Variants in BMPR1B observed in about 807,000 individuals in gnomAD.
BMPR1B encodes the protein bone morphogenetic protein receptor type 1B.
In BMPR1B, 12 loss-of-function variants were observed where a neutral mutation model predicts 59.1. The ratio of observed to expected loss-of-function variants is 0.20; its 90% CI spans 0.13 to 0.33. BMPR1B has a LOEUF of 0.33. BMPR1B is among the 10% of genes least tolerant of loss of function. The probability of loss-of-function intolerance (pLI) is 1.00; values close to 1 mark genes in which losing one functional copy is unlikely to be tolerated. For synonymous variants in BMPR1B, 237 were observed against 207.3 expected, an observed-to-expected ratio of 1.14 and a Z score of -1.23; for missense variants, 550 against 610.9, an observed-to-expected ratio of 0.90 and a Z score of 1.05.
chr4:94,934,176 C>G (rs894730077), intron 2 of BMPR1B, among the ~76,000 whole-genome samples: 11 of 152,126 alleles, frequency 7.2e-5, no homozygotes, highest in South Asian at 2.1e-4. Context: ...GTTCAATCTT[C>G]CCATGAAATA....
chr4:94,767,183 G>A (rs1052358888), intron 1 of BMPR1B, among the ~76,000 whole-genome samples: 10 of 152,032 alleles, frequency 6.6e-5, no homozygotes, highest in African/African-American at 2.4e-4. Context: ...AGATGAACGT[G>A]GAAAAATTAT....
intron 3 of BMPR1B, among the ~76,000 whole-genome samples, chr4:95,022,027 T>A (rs1419572796): frequency 2.0e-5 from 3 of 152,222 alleles, no homozygotes; most frequent in Non-Finnish European, 4.4e-5. Context: ...TACAATTTCT[T>A]TTTTGGGAGA....
At chr4:94,999,427 CGTGTGTGT>C (rs70946577) in intron 3 of BMPR1B, among the ~76,000 whole-genome samples, 2 of 148,424 alleles carry the variant, frequency 1.3e-5, no homozygotes, top group Non-Finnish European at 3.0e-5. Flanking sequence ...CAGTGTTGTG[CGTGTGTGT>C]GTGTGTGTGT....
chr4:95,050,276 C>A (rs912723366), intron 3 of BMPR1B, among the ~76,000 whole-genome samples: 13 of 152,102 alleles, frequency 8.5e-5, no homozygotes, highest in African/African-American at 3.1e-4. Flanking sequence ...TTTTTAATTA[C>A]CACCAACCTC....
intron 6 of BMPR1B, among the ~76,000 whole-genome samples, chr4:95,120,610 T>TTTCCTTCCTTCCTTCCTTCC (rs777085969): frequency 0.15 from 17,829 of 122,388 alleles, 1,934 homozygotes; most frequent in Middle Eastern, 0.19. Context: ...ATAGCCTGCC[T>TTTCCTTCCTTCCTTCCTTCC]TTCCTTCCTT....
intron 10 of BMPR1B, among the ~76,000 whole-genome samples, chr4:95,142,938 A>G (rs7694131): frequency 0.46 from 70,481 of 151,822 alleles, 17,903 homozygotes; most frequent in Admixed American, 0.59. Flanking sequence ...CTATATTTTT[A>G]AAAAACTCCC....
intron 3 of BMPR1B, among the ~76,000 whole-genome samples, chr4:95,089,252 G>A (rs1418556302): frequency 6.6e-6 from 1 of 152,092 alleles, no homozygotes; most frequent in African/African-American, 2.4e-5. Flanking sequence ...AGAAATATCT[G>A]AAGATAGGGT....
intron 1 of BMPR1B, among the ~76,000 whole-genome samples, chr4:94,875,008 A>T (rs1191757386): frequency 2.0e-5 from 3 of 152,192 alleles, no homozygotes; most frequent in Admixed American, 1.3e-4. Flanking sequence ...AAATAATAAT[A>T]AATAAATCTG....
chr4:94,814,021 T>A (rs140170312), intron 1 of BMPR1B, among the ~76,000 whole-genome samples: 2 of 152,198 alleles, frequency 1.3e-5, no homozygotes, highest in African/African-American at 2.4e-5. Context: ...GGCAGCTGTA[T>A]ATACAAGTCG....
chr4:94,812,308 G>A (rs1723849452), intron 1 of BMPR1B, among the ~76,000 whole-genome samples: 1 of 152,126 alleles, frequency 6.6e-6, no homozygotes, highest in Non-Finnish European at 1.5e-5. Context: ...TATCCACTTG[G>A]CCTTGAAAAA....
intron 1 of BMPR1B, among the ~76,000 whole-genome samples, chr4:94,845,124 AAAAT>A (rs1320904059): frequency 5.3e-5 from 8 of 152,186 alleles, no homozygotes; most frequent in Non-Finnish European, 8.8e-5. Flanking sequence ...AGAATTTTAT[AAAAT>A]AAATATATCA....
At chr4:95,067,661 A>T (rs760023432) in intron 3 of BMPR1B, among the ~76,000 whole-genome samples, 1 of 152,236 alleles carries the variant, frequency 6.6e-6, no homozygotes, top group Non-Finnish European at 1.5e-5. Context: ...GTCTGAGATG[A>T]GACACAAACT....
intron 3 of BMPR1B, among the ~76,000 whole-genome samples, chr4:95,101,758 A>G (rs1015129472): frequency 3.3e-5 from 5 of 152,160 alleles, no homozygotes; most frequent in African/African-American, 9.7e-5. Context: ...TCCAGAAAAA[A>G]AAATGTTGAT....
chr4:94,963,271 A>AT (rs750550379), intron 2 of BMPR1B, among the ~76,000 whole-genome samples: 7 of 151,826 alleles, frequency 4.6e-5, no homozygotes, highest in East Asian at 3.9e-4. Flanking sequence ...TAGTTTATAA[A>AT]TTTTTTTTGC....
At chr4:94,894,994 G>A (rs1255045063) in intron 2 of BMPR1B, among the ~76,000 whole-genome samples, 3 of 151,914 alleles carry the variant, frequency 2.0e-5, no homozygotes, top group African/African-American at 4.8e-5. Context: ...TATTCTGCAA[G>A]TACCATGATA....
intron 3 of BMPR1B, among the ~76,000 whole-genome samples, chr4:95,041,860 C>G (rs1725677358): frequency 2.0e-5 from 3 of 146,566 alleles, no homozygotes; most frequent in African/African-American, 7.5e-5. Flanking sequence ...AAATCCAAAA[C>G]TTTTTTTTTT....
At chr4:95,116,439 A>G (rs1409498688) in intron 6 of BMPR1B, among the ~76,000 whole-genome samples, 99 of 150,980 alleles carry the variant, frequency 6.6e-4, no homozygotes, top group African/African-American at 2.2e-3. Context: ...ACACACACAC[A>G]CACACACACA....
At chr4:94,969,992 T>G (rs1472900466) in intron 2 of BMPR1B, among the ~76,000 whole-genome samples, 1 of 152,232 alleles carries the variant, frequency 6.6e-6, no homozygotes, top group Admixed American at 6.5e-5. Context: ...TTTCTTATAC[T>G]TTTAAATGGT....
intron 2 of BMPR1B, among the ~76,000 whole-genome samples, chr4:94,876,677 C>T (rs1452636871): frequency 4.6e-5 from 7 of 151,822 alleles, no homozygotes; most frequent in Admixed American, 4.6e-4. Flanking sequence ...ATCTTTACTT[C>T]AGTGCTATAC....
Sources: gnomAD v4.1 joint callset for allele counts (sites outside exome capture counted in the v4.1 genomes callset) on GRCh38, gnomAD v4.1.1 for gene constraint, MANE v1.5 for transcripts, NCBI Gene and HGNC (gene_info 2026-07-23, HGNC 2026-07-21) for gene names.